The following ERICH3 variants were observed in gnomAD, a reference collection of about 807,000 sequenced individuals.
ERICH3 encodes glutamate rich 3.
In ERICH3, 126 loss-of-function variants were observed where a neutral mutation model predicts 131.1. That is an observed-to-expected ratio of 0.96 (90% CI 0.83 to 1.11). The LOEUF is 1.11. Ranked by LOEUF, ERICH3 falls within the 50% of genes most tolerant of loss-of-function variation. ERICH3 has a pLI of 0.00. For synonymous variants in ERICH3, 695 were observed against 644.6 expected, an observed-to-expected ratio of 1.08 and a Z score of -1.18; for missense variants, 2,050 against 1,810.7, an observed-to-expected ratio of 1.13 and a Z score of -2.40.
chr1:74,607,871 G>A lies in ERICH3; in HGVS notation c.1188-969C>T, dbSNP rs1284942415. Among the ~76,000 whole-genome samples the A allele has an allele frequency of 3.3e-5, 5 of 151,986 alleles. No individual in the cohort carries two copies. In the East Asian group the frequency reaches 7.7e-4, roughly 24 times the overall value. On this transcript the variant is annotated intron_variant, in intron 9 of 14. Transcript: ENST00000326665. ...AAAATGATGATTATGATAATGATAA[G>A]ATTATTGAGCACTCTCTCTGTGCCA...
intron 1 of ERICH3, among the ~76,000 whole-genome samples, chr1:74,652,576 T>C (rs1646546213): frequency 6.6e-6 from 1 of 151,776 alleles, no homozygotes; most frequent in African/African-American, 2.4e-5. Flanking sequence ...GCTCATGGCA[T>C]AACCCTGGGC....
At chr1:74,575,925 C>CA (rs11376844) in intron 13 of ERICH3, among the ~76,000 whole-genome samples, 26,092 of 151,928 alleles carry the variant, frequency 0.17, 3,076 homozygotes, top group African/African-American at 0.33. Context: ...AAAAACATGA[C>CA]TTTTTTTTAT....
intron 6 of ERICH3, chr1:74,634,885 A>G (rs141565326): frequency 4.8e-4 from 221 of 456,538 alleles, no homozygotes; most frequent in Middle Eastern, 9.8e-4. Context: ...TTAACATTCT[A>G]TTACACTATC....
At chr1:74,673,434 G>C (rs1646759898) in intron 1 of ERICH3, 63 bp downstream of exon 1, 1 of 1,596,020 alleles carries the variant, frequency 6.3e-7, no homozygotes, top group Non-Finnish European at 8.6e-7. Flanking sequence ...GGAGGGAGGA[G>C]GAGGGGCAGC....
chr1:74,596,649 A>G (rs1343182074), intron 11 of ERICH3, among the ~76,000 whole-genome samples: 1 of 152,078 alleles, frequency 6.6e-6, no homozygotes, highest in African/African-American at 2.4e-5. Flanking sequence ...CTGTCCATAA[A>G]AGTATATTCT....
intron 12 of ERICH3, among the ~76,000 whole-genome samples, chr1:74,588,804 G>A (rs1377945627): frequency 6.6e-6 from 1 of 151,970 alleles, no homozygotes; most frequent in African/African-American, 2.4e-5. Flanking sequence ...CCTTCCATGT[G>A]TCTAAGGTCT....
Position 74,571,825 on chromosome 1 carries a change from C to T in ERICH3, c.3885G>A (p.Glu1295=), listed in dbSNP as rs946777833. 1 of 1,612,892 alleles carries T rather than the reference C, an allele frequency of 6.2e-7. No individual in the cohort carries two copies. The highest frequency in any genetic ancestry group is 1.3e-5 in the African/African-American group (1 of 74,920). The stretch of plus-strand genomic sequence containing the variant: ...GAGTGCACTCTTTGTCCTCTTCCTC[C>T]TCTGGGTCCTCATCCACCGCTTCCT... The part of the protein sequence containing the change: ...FREEAVDEDP[E]EEEDKECTLE... The change falls in exon 14 of 15, where the codon GAG becomes GAA. Residue 1295 remains glutamate (E), a synonymous_variant. Coordinates refer to ENST00000326665, the MANE Select transcript of ERICH3 (RefSeq NM_001002912.5).
chr1:74,657,476 A>G (rs941264254), intron 1 of ERICH3, among the ~76,000 whole-genome samples: 1 of 152,206 alleles, frequency 6.6e-6, no homozygotes, highest in African/African-American at 2.4e-5. Flanking sequence ...TTAAACTGAT[A>G]TCATATAAAT....
At chr1:74,575,212 G>T (rs1008105978) in intron 13 of ERICH3, among the ~76,000 whole-genome samples, 1 of 152,136 alleles carries the variant, frequency 6.6e-6, no homozygotes, top group African/African-American at 2.4e-5. Context: ...ATCGTTTGTT[G>T]CATTTCCTCA....
At chr1:74,611,765 G>C (rs1340987) in intron 9 of ERICH3, among the ~76,000 whole-genome samples, 61,629 of 151,874 alleles carry the variant, frequency 0.41, 13,617 homozygotes, top group Non-Finnish European at 0.5. Flanking sequence ...CTGTTCAAAA[G>C]ACATCTTATC....
Position 74,646,761 on chromosome 1 carries a change from T to C in ERICH3, c.149A>G (p.Lys50Arg). ...ITRSGRILSEKEYKLNMMKRD... is the reference protein window; with the variant it reads ...ITRSGRILSEREYKLNMMKRD... ...CTTCATCATATTTAGTTTATATTCT[T>C]TTTCAGAAAGTATTCTTCCACTTCT... The change falls in exon 3 of 15, where the codon AAA (lysine) becomes AGA (arginine). Residue 50 changes from lysine to arginine, a missense_variant. Physicochemically the swap from Lys to Arg is conservative, Grantham distance 26. Coordinates refer to ENST00000326665, the MANE Select transcript of ERICH3 (RefSeq NM_001002912.5). 6.7e-7 allele frequency: 1 copy of C among 1,501,562 alleles called. No individual in the cohort carries two copies. Among genetic ancestry groups the C allele is most frequent in the Admixed American group, 1.9e-5 (1 of 52,836 alleles). The allele number at this position is 1,501,562 out of a possible 1,614,324, so 93.0% of individuals were successfully genotyped here. A position where few individuals can be genotyped will look rare whatever the true frequency, so the allele number is the denominator to read the frequency against.
rs1380987126 is a variant in ERICH3, at chr1:74,570,114, G to T, written c.*344C>A. On this transcript the variant is annotated 3_prime_UTR_variant, in exon 15 of 15. Coordinates refer to ENST00000326665, the MANE Select transcript of ERICH3 (RefSeq NM_001002912.5). ...TAAACAAACCCCTAACATTAGGACTGGGCCTTCCAGTGATCTTTGGTAAAA... is the reference window on the plus strand; with the variant it reads ...TAAACAAACCCCTAACATTAGGACTTGGCCTTCCAGTGATCTTTGGTAAAA... 1 of 152,166 alleles carries T rather than the reference G, an allele frequency of 6.6e-6. No homozygotes were observed. The highest frequency in any genetic ancestry group is 1.5e-5 in the Non-Finnish European group (1 of 68,036). 9.4% of individuals were successfully genotyped at this position (152,166 alleles called of 1,614,324 possible). A position where few individuals can be genotyped will look rare whatever the true frequency, so the allele number is the denominator to read the frequency against.
At chr1:74,598,107 A>G (rs1489190989) in intron 11 of ERICH3, among the ~76,000 whole-genome samples, 1 of 151,872 alleles carries the variant, frequency 6.6e-6, no homozygotes, top group Non-Finnish European at 1.5e-5. Flanking sequence ...TGTTTTCCAT[A>G]CATTTTCTTA....
At chr1:74,649,841 A>T (rs1483712956) in intron 1 of ERICH3, among the ~76,000 whole-genome samples, 1 of 152,108 alleles carries the variant, frequency 6.6e-6, no homozygotes, top group Non-Finnish European at 1.5e-5. Context: ...GTGGTGTATA[A>T]GCCTCTCTTC....
intron 5 of ERICH3, among the ~76,000 whole-genome samples, chr1:74,639,919 G>A (rs955477275): frequency 6.6e-6 from 1 of 152,022 alleles, no homozygotes; most frequent in Non-Finnish European, 1.5e-5. Context: ...AAAAGGGAGG[G>A]GGATTTGGAT....
Position 74,663,715 on chromosome 1 carries a change from G to A in ERICH3, c.23+9782C>T, listed in dbSNP as rs530638433. 2.7e-5 allele frequency among the ~76,000 whole-genome samples: 4 copies of A among 147,352 alleles called. No homozygotes were observed. The East Asian group carries it at 7.8e-4, about 29-fold the overall frequency. ...ATAAGAATATAATGCCTGAATCTAGGGCAGTCATCTTGCTAACACAGAAAA... is the reference window on the plus strand; with the variant it reads ...ATAAGAATATAATGCCTGAATCTAGAGCAGTCATCTTGCTAACACAGAAAA... On this transcript the variant is annotated intron_variant, in intron 1 of 14. Transcript: ENST00000326665.
At chr1:74,653,757 A>G (rs1258705646) in intron 1 of ERICH3, among the ~76,000 whole-genome samples, 1 of 152,124 alleles carries the variant, frequency 6.6e-6, no homozygotes, top group Non-Finnish European at 1.5e-5. Context: ...TATGGATCAC[A>G]TTGATAATGT....
intron 7 of ERICH3, among the ~76,000 whole-genome samples, chr1:74,631,320 A>C (rs1415424671): frequency 6.6e-6 from 1 of 152,156 alleles, no homozygotes; most frequent in African/African-American, 2.4e-5. Context: ...GTAATTTGCC[A>C]TAAATTGTTC....
At position 74,568,725 on chromosome 1, in the gene ERICH3, G is replaced by A. The variant is rs540845513; in HGVS notation, c.*1733C>T. 6.6e-6 allele frequency: 1 copy of A among 152,244 alleles called. No homozygotes were observed. Among genetic ancestry groups the A allele is most frequent in the Admixed American group, 6.5e-5 (1 of 15,284 alleles). The allele number at this position is 152,244 out of a possible 1,614,324, so 9.4% of individuals were successfully genotyped here. On this transcript the variant is annotated 3_prime_UTR_variant, in exon 15 of 15. Transcript: ENST00000326665. ...AGAAAGACAGATAAATCAGAAGACA[G>A]GAAAAGACAGAGAGACATAGAGAGG...
Sources: allele counts gnomAD v4.1 joint callset (sites outside exome capture counted in the v4.1 genomes callset), GRCh38; gene constraint gnomAD v4.1.1; transcripts MANE v1.5; gene names NCBI Gene and HGNC (gene_info 2026-07-23, HGNC 2026-07-21).